The following SMPD3 variants were observed in gnomAD, a reference collection of about 807,000 sequenced individuals.
SMPD3 encodes nSMase-2.
In SMPD3, 21 loss-of-function variants were observed where a neutral mutation model predicts 55.7. That is an observed-to-expected ratio of 0.38 (90% CI 0.27 to 0.54). SMPD3 has a LOEUF of 0.54. Ranked by LOEUF, SMPD3 falls within the 20% of genes least tolerant of loss-of-function variation. The pLI is 0.80. For missense variants in SMPD3, 842 were observed against 899.6 expected, an observed-to-expected ratio of 0.94 and a Z score of 0.82; for synonymous variants, 457 against 404.3, an observed-to-expected ratio of 1.13 and a Z score of -1.56.
At chr16:68,427,755 G>GC (rs1319218167) in intron 1 of SMPD3, among the ~76,000 whole-genome samples, 5 of 151,788 alleles carry the variant, frequency 3.3e-5, no homozygotes, top group East Asian at 3.9e-4. Context: ...AAATGACTGG[G>GC]GGGGGGTGCT....
At position 68,361,011 on chromosome 16, in the gene SMPD3, G is replaced by A. The variant is rs182646583; in HGVS notation, c.*195C>T. On this transcript the variant is annotated 3_prime_UTR_variant, in exon 9 of 9. Coordinates refer to ENST00000219334, the MANE Select transcript of SMPD3 (RefSeq NM_018667.4). ...TTAGGCAGCTGGAGGCTCCTGGGGCGGGCCTGACTCCTCTGTCCACAGTGA... is the reference window on the plus strand; with the variant it reads ...TTAGGCAGCTGGAGGCTCCTGGGGCAGGCCTGACTCCTCTGTCCACAGTGA... 80 of 569,566 alleles carry A rather than the reference G, an allele frequency of 1.4e-4. No homozygotes were observed. The East Asian group carries it at 1.4e-3, about 10-fold the overall frequency. 35.3% of individuals were successfully genotyped at this position (569,566 alleles called of 1,614,324 possible).
At chr16:68,377,608 G>A (rs1840066947) in intron 2 of SMPD3, among the ~76,000 whole-genome samples, 1 of 152,202 alleles carries the variant, frequency 6.6e-6, no homozygotes, top group African/African-American at 2.4e-5. Context: ...CAGCTGATCT[G>A]CCATCACCAG....
Position 68,371,381 on chromosome 16 carries a change from G to T in SMPD3, c.801C>A (p.Ala267=). 6.4e-7 allele frequency: 1 copy of T among 1,569,180 alleles called. No homozygotes were observed. The highest frequency in any genetic ancestry group is 8.6e-7 in the Non-Finnish European group (1 of 1,166,972). ...EADDPVPGGQ[A]RNGAGGGPRG... Reference sequence around the variant, plus strand: ...TTGGGCCCCCGCCAGCTCCGTTCCTGGCCTGGCCCCCAGGCACAGGGTCGT... The same window carrying T: ...TTGGGCCCCCGCCAGCTCCGTTCCTTGCCTGGCCCCCAGGCACAGGGTCGT... Residue 267 remains alanine, a synonymous_variant, in exon 3 of 9, where the codon GCC becomes GCA. Coordinates refer to ENST00000219334, the MANE Select transcript of SMPD3 (RefSeq NM_018667.4).
At chr16:68,417,321 G>T (rs1425757377) in intron 1 of SMPD3, among the ~76,000 whole-genome samples, 1 of 151,984 alleles carries the variant, frequency 6.6e-6, no homozygotes, top group South Asian at 2.1e-4. Flanking sequence ...CAACAAATTC[G>T]CACACACTCA....
rs2089222601 is a variant in SMPD3, at chr16:68,360,925, G to A, written c.*281C>T. ...ACCCGGTCCTCATACTAACCCACGG[G>A]TTACAAACTCGGTTGTGCTGTAGAT... On this transcript the variant is annotated 3_prime_UTR_variant, in exon 9 of 9. Coordinates refer to ENST00000219334, the MANE Select transcript of SMPD3 (RefSeq NM_018667.4). The A allele has an allele frequency of 9.1e-6, 4 of 438,180 alleles. No individual in the cohort carries two copies. In the South Asian group the frequency reaches 1.2e-4, roughly 13 times the overall value. 27.1% of individuals were successfully genotyped at this position (438,180 alleles called of 1,614,324 possible).
rs534039687 is a variant in SMPD3 at position 68,447,422 on chromosome 16, G to T, written c.-269+931C>A. On this transcript the variant is annotated intron_variant, in intron 1 of 8. Transcript: ENST00000219334. The surrounding 1 kb of genome is among the most constrained non-coding windows in gnomAD (Gnocchi z 5.1). ...GCCAGAGGCTCGGTCCCCGGGGCGT[G>T]GTGGGCTAGGGCGGGTCGTCTCGAC... Among the ~76,000 whole-genome samples the T allele has an allele frequency of 5.3e-3, 812 of 152,292 alleles. 26 individuals are homozygous for T. The highest frequency in any genetic ancestry group is 8.4e-4 in the Non-Finnish European group (57 of 68,006).
At chr16:68,432,449 A>G (rs1597666722) in intron 1 of SMPD3, among the ~76,000 whole-genome samples, 1 of 152,406 alleles carries the variant, frequency 6.6e-6, no homozygotes, top group Non-Finnish European at 1.5e-5. Context: ...TGATAAGAAT[A>G]TATGTTTATA....
chr16:68,363,963 C>G, intron 5 of SMPD3, 97 bp from the exon 6 acceptor site: 1 of 1,139,662 alleles, frequency 8.8e-7, no homozygotes, highest in Admixed American at 2.1e-5. Flanking sequence ...CCATGTGCTG[C>G]CAGGCCCCCA....
intron 1 of SMPD3, among the ~76,000 whole-genome samples, chr16:68,435,313 TA>T (rs917654320): frequency 1.3e-5 from 2 of 152,292 alleles, no homozygotes; most frequent in South Asian, 4.2e-4. Flanking sequence ...CAAACTGTTT[TA>T]AAAAATCCTT....
At chr16:68,442,434 T>A (rs2090574014) in intron 1 of SMPD3, among the ~76,000 whole-genome samples, 1 of 152,226 alleles carries the variant, frequency 6.6e-6, no homozygotes, top group African/African-American at 2.4e-5. Context: ...TTATCCCACA[T>A]TGTGGTTGTG....
rs1213371900 is a variant in SMPD3 at position 68,431,836 on chromosome 16, G to C, written c.-269+16517C>G. 2.0e-5 allele frequency among the ~76,000 whole-genome samples: 3 copies of C among 152,102 alleles called. No individual in the cohort carries two copies. The East Asian group carries it at 5.8e-4, about 29-fold the overall frequency. On this transcript the variant is annotated intron_variant, in intron 1 of 8. Coordinates refer to ENST00000219334, the MANE Select transcript of SMPD3 (RefSeq NM_018667.4). ...ACTTGGGAGGCTGGGGCAGGAGAAT[G>C]ACTTGAACCCGGCAGGTGGAGGTTG...
Position 68,404,322 on chromosome 16 carries a change from A to T in SMPD3, c.-268-17663T>A, listed in dbSNP as rs1286213898. 6.6e-6 allele frequency among the ~76,000 whole-genome samples: 1 copy of T among 150,516 alleles called. No homozygotes were observed. The highest frequency in any genetic ancestry group is 1.5e-5 in the Non-Finnish European group (1 of 67,672). ...TCCATGTCGGTCAGGCTGGTCTCGA[A>T]CTCCCGACCTCAGGTGATCTGCCCG... On this transcript the variant is annotated intron_variant, in intron 1 of 8. Transcript: ENST00000219334. The surrounding 1 kb of genome is among the most constrained non-coding windows in gnomAD (Gnocchi z 4.0).
intron 1 of SMPD3, among the ~76,000 whole-genome samples, chr16:68,429,599 C>T (rs1033226186): frequency 3.9e-5 from 6 of 152,252 alleles, no homozygotes; most frequent in South Asian, 2.1e-4. Context: ...TGCAGGGTTG[C>T]GTGATCAGTT....
At chr16:68,391,434 A>G (rs1457886936) in intron 1 of SMPD3, among the ~76,000 whole-genome samples, 1 of 152,228 alleles carries the variant, frequency 6.6e-6, no homozygotes, top group Non-Finnish European at 1.5e-5. Context: ...TGTGCACTTC[A>G]GAGTCCAATC....
rs1228045530 is a variant in SMPD3, at chr16:68,448,461, G to GGCGGCTCTC, written c.-386_-378dup. The GGCGGCTCTC allele has an allele frequency of 7.2e-5, 11 of 152,374 alleles. No homozygotes were observed. Among genetic ancestry groups the GGCGGCTCTC allele is most frequent in the African/African-American group, 1.7e-4 (7 of 41,544 alleles). The allele number at this position is 152,374 out of a possible 1,614,324, so 9.4% of individuals were successfully genotyped here. On this transcript the variant is annotated 5_prime_UTR_variant, in exon 1 of 9. Transcript: ENST00000219334. ...CAGATCTGGCGGCGGCCGCAGCGGCGGCGGCTCTCGCGGCTCTCGGGTCCG... is the reference window on the plus strand; with the variant it reads ...CAGATCTGGCGGCGGCCGCAGCGGCGGCGGCTCTCGCGGCTCTCGCGGCTCTCGGGTCCG...
chr16:68,382,522 T>G (rs2089970641), intron 2 of SMPD3, among the ~76,000 whole-genome samples: 1 of 152,136 alleles, frequency 6.6e-6, no homozygotes, highest in Non-Finnish European at 1.5e-5. Context: ...TGTGTATAGT[T>G]AAGGGTGGGG....
intron 5 of SMPD3, 189 bp downstream of exon 5, chr16:68,364,562 G>T: frequency 3.0e-6 from 2 of 663,018 alleles, no homozygotes; most frequent in Non-Finnish European, 4.9e-6. Flanking sequence ...CAGCTTTCTA[G>T]GCAGAGCGTG....
intron 1 of SMPD3, among the ~76,000 whole-genome samples, chr16:68,434,106 G>T (rs2090501680): frequency 1.3e-5 from 2 of 152,250 alleles, no homozygotes. Context: ...TTGCAGGCAT[G>T]AATTTATGGC....
chr16:68,440,447 C>T (rs139076604), intron 1 of SMPD3, among the ~76,000 whole-genome samples: 5 of 152,334 alleles, frequency 3.3e-5, no homozygotes, highest in Admixed American at 2.6e-4. Flanking sequence ...TAAATCCACT[C>T]GCCTCGACCT....
Sources: allele counts gnomAD v4.1 joint callset (sites outside exome capture counted in the v4.1 genomes callset), GRCh38; gene constraint gnomAD v4.1.1; non-coding constraint Gnocchi (gnomAD v3.1); transcripts MANE v1.5; gene names NCBI Gene and HGNC (gene_info 2026-07-23, HGNC 2026-07-21).